SPAG16: variants seen among roughly 807,000 people sequenced by gnomAD.
SPAG16 encodes the protein sperm-associated antigen 16 protein.
SPAG16 carries 86 observed loss-of-function variants against 80.4 expected under a neutral mutation model. That is an observed-to-expected ratio of 1.07 (90% CI 0.90 to 1.28). SPAG16 has a LOEUF of 1.28. Among genes scored for constraint, SPAG16 ranks in the 50% most tolerant of loss-of-function variants. The pLI, the probability that SPAG16 is intolerant of heterozygous loss-of-function variation, is 0.00. For missense variants in SPAG16, 870 were observed against 765.3 expected (o/e 1.14, Z -1.61); for synonymous variants, 294 against 265.9 (o/e 1.11, Z -1.03).
intron 7 of SPAG16, among the ~76,000 whole-genome samples, chr2:213,361,715 G>A (rs543688481): frequency 6.6e-6 from 1 of 151,088 alleles, no homozygotes; most frequent in South Asian, 2.1e-4. Context: ...TTATGACAAA[G>A]GAACTGTAGT....
intron 8 of SPAG16, among the ~76,000 whole-genome samples, chr2:213,372,139 A>G (rs977632932): frequency 6.6e-6 from 1 of 151,972 alleles, no homozygotes; most frequent in Non-Finnish European, 1.5e-5. Context: ...TTTTTTTTCA[A>G]ATTAATTTCA....
At chr2:213,681,971 G>T (rs2064411277) in intron 10 of SPAG16, among the ~76,000 whole-genome samples, 1 of 152,048 alleles carries the variant, frequency 6.6e-6, no homozygotes, top group Non-Finnish European at 1.5e-5. Context: ...TTTCCCTTCA[G>T]CGTGAATCTG....
chr2:214,091,455 G>A (rs909226020), intron 13 of SPAG16, among the ~76,000 whole-genome samples: 1 of 151,928 alleles, frequency 6.6e-6, no homozygotes, highest in East Asian at 1.9e-4. Context: ...CTTTATGCTG[G>A]GTCTTTCTCA....
At chr2:214,310,225 C>T (rs1302689289) in intron 15 of SPAG16, among the ~76,000 whole-genome samples, 1 of 150,948 alleles carries the variant, frequency 6.6e-6, no homozygotes, top group Non-Finnish European at 1.5e-5. Flanking sequence ...TTTTTCCTCC[C>T]TTGAAGGTGT....
intron 3 of SPAG16, among the ~76,000 whole-genome samples, chr2:213,299,623 T>G (rs2062643737): frequency 6.6e-6 from 1 of 152,096 alleles, no homozygotes; most frequent in South Asian, 2.1e-4. Flanking sequence ...AGATTAAATA[T>G]TTGAGAATTG....
chr2:214,020,824 T>C (rs1476202056), intron 13 of SPAG16, among the ~76,000 whole-genome samples: 1 of 152,226 alleles, frequency 6.6e-6, no homozygotes, highest in African/African-American at 2.4e-5. Flanking sequence ...TTTAATACTA[T>C]GTGGAAAATT....
rs375891359 is a variant in SPAG16, at chr2:213,581,879, A to G, written c.1070+91789A>G. ...GGTGCTTTGCTTGATGCCTTGCTTC[A>G]AAGGCAACTTGCCCTTTCATTTAAA... is the stretch of plus-strand genomic sequence containing the variant. On this transcript the variant is annotated intron_variant, in intron 10 of 15. Transcript: ENST00000331683. Among the ~76,000 whole-genome samples, 6 of 152,250 alleles carry G rather than the reference A, an allele frequency of 3.9e-5. No individual in the cohort carries two copies. In the South Asian group the frequency reaches 1.2e-3, roughly 32 times the overall value.
chr2:214,208,685 C>A (rs2058212101), intron 15 of SPAG16, among the ~76,000 whole-genome samples: 1 of 151,940 alleles, frequency 6.6e-6, no homozygotes, highest in South Asian at 2.1e-4. Flanking sequence ...TTTTTGCAAT[C>A]AGACCTTGGT....
chr2:214,280,025 G>A (rs1417382380), intron 15 of SPAG16, among the ~76,000 whole-genome samples: 1 of 152,182 alleles, frequency 6.6e-6, no homozygotes, highest in Non-Finnish European at 1.5e-5. Context: ...CTGAAGAAAA[G>A]ATGTCTCAAA....
chr2:214,278,671 G>A (rs1034879362), intron 15 of SPAG16, among the ~76,000 whole-genome samples: 1 of 152,046 alleles, frequency 6.6e-6, no homozygotes, highest in Non-Finnish European at 1.5e-5. Flanking sequence ...GAAATATGAG[G>A]GGCAAATTTG....
In SPAG16 at chr2:213,473,826, C is replaced by T. The variant is rs995271943; in HGVS notation, c.943-16137C>T. ...ATTAGAAAACTCAAGCAGTTATTTT[C>T]GAGTGTAGTACACCTCCTCGTGGTC... On this transcript the variant is annotated intron_variant, in intron 9 of 15. Transcript: ENST00000331683. Among the ~76,000 whole-genome samples, 10 of 152,134 alleles carry T rather than the reference C, an allele frequency of 6.6e-5. No homozygotes were observed. In the East Asian group the frequency reaches 7.7e-4, roughly 12 times the overall value.
intron 10 of SPAG16, among the ~76,000 whole-genome samples, chr2:213,852,568 T>G (rs1355568944): frequency 6.6e-6 from 1 of 152,134 alleles, no homozygotes; most frequent in Non-Finnish European, 1.5e-5. Flanking sequence ...TTAGCACTTT[T>G]GCACTTGCAG....
chr2:213,989,063 G>T (rs2046157869), intron 12 of SPAG16, among the ~76,000 whole-genome samples: 1 of 152,054 alleles, frequency 6.6e-6, no homozygotes, highest in South Asian at 2.1e-4. Flanking sequence ...GCTGGGTCAG[G>T]TTGTGGGATA....
intron 1 of SPAG16, among the ~76,000 whole-genome samples, chr2:213,285,447 C>A (rs1380606447): frequency 6.6e-6 from 1 of 152,108 alleles, no homozygotes; most frequent in African/African-American, 2.4e-5. Flanking sequence ...CTCCTTTATT[C>A]AGGGAGGTAA....
rs1328216921 is a variant in SPAG16, at chr2:213,818,384, T to C, written c.1071-44101T>C. Among the ~76,000 whole-genome samples the C allele has an allele frequency of 2.6e-5, 4 of 152,266 alleles. No individual in the cohort carries two copies. In the East Asian group the frequency reaches 7.7e-4, roughly 29 times the overall value. ...GGTCATTGTTTTCTTGGCTCATTCA[T>C]TTCTCCTAAAAATCATTTACTTCCC... On this transcript the variant is annotated intron_variant, in intron 10 of 15. Transcript: ENST00000331683.
At chr2:213,999,919 A>G (rs1280273794) in intron 12 of SPAG16, among the ~76,000 whole-genome samples, 1 of 152,114 alleles carries the variant, frequency 6.6e-6, no homozygotes, top group Non-Finnish European at 1.5e-5. Flanking sequence ...GTATTTACCC[A>G]ATACCTGTAC....
chr2:213,353,807 T>C (rs765166963), intron 7 of SPAG16, among the ~76,000 whole-genome samples: 2 of 152,242 alleles, frequency 1.3e-5, no homozygotes, highest in Non-Finnish European at 2.9e-5. Context: ...AATCCTGATT[T>C]ACACCTATTT....
chr2:213,303,257 T>G (rs2062816008), intron 3 of SPAG16, among the ~76,000 whole-genome samples: 1 of 152,032 alleles, frequency 6.6e-6, no homozygotes, highest in Non-Finnish European at 1.5e-5. Context: ...CCAGTTTTTT[T>G]TTTAATTTTT....
intron 10 of SPAG16, among the ~76,000 whole-genome samples, chr2:213,565,692 T>C (rs1234857087): frequency 6.6e-6 from 1 of 152,158 alleles, no homozygotes; most frequent in Non-Finnish European, 1.5e-5. Context: ...AGAGACAAAC[T>C]CCCTGGCTTT....
Sources: gnomAD v4.1 joint callset for allele counts (sites outside exome capture counted in the v4.1 genomes callset) on GRCh38, gnomAD v4.1.1 for gene constraint, MANE v1.5 for transcripts, NCBI Gene and HGNC (gene_info 2026-07-23, HGNC 2026-07-21) for gene names.